The following DNAJC17 variants were observed in gnomAD, a reference collection of about 807,000 sequenced individuals.
DNAJC17 encodes DnaJ heat shock protein family (Hsp40) member C17.
Under a neutral mutation model 48.1 loss-of-function variants are expected in DNAJC17, and 35 were observed. The observed-to-expected ratio is 0.73, with a 90% confidence interval of 0.56 to 0.96. The LOEUF is 0.96. DNAJC17 is among the 50% of genes least tolerant of loss of function. The pLI is 0.00. For missense variants in DNAJC17, 355 were observed against 377.1 expected, an observed-to-expected ratio of 0.94 and a Z score of 0.48; for synonymous variants, 117 against 142.7, an observed-to-expected ratio of 0.82 and a Z score of 1.28.
chr15:40,767,452 C>A lies in DNAJC17; in HGVS notation c.*488G>T. On this transcript the variant is annotated 3_prime_UTR_variant, in exon 11 of 11. Coordinates refer to ENST00000220496, the MANE Select transcript of DNAJC17 (RefSeq NM_018163.3). ...ACCGTCTGCCTTGCTCCTCTCTTCC[C>A]AAATCATCACCGCCATGGGCCCAGC... The A allele has an allele frequency of 7.7e-7, 1 of 1,302,858 alleles. No individual in the cohort carries two copies. The highest frequency in any genetic ancestry group is 1.0e-6 in the Non-Finnish European group (1 of 963,272). 80.7% of individuals were successfully genotyped at this position (1,302,858 alleles called of 1,614,324 possible).
chr15:40,765,967 A>G lies in DNAJC17; in HGVS notation c.*1973T>C, dbSNP rs1195534151. 1 of 989,460 alleles carries G rather than the reference A, an allele frequency of 1.0e-6. No homozygotes were observed. The highest frequency in any genetic ancestry group is 2.7e-5 in the East Asian group (1 of 37,128). 61.3% of individuals were successfully genotyped at this position (989,460 alleles called of 1,614,324 possible). A position where few individuals can be genotyped will look rare whatever the true frequency, so the allele number is the denominator to read the frequency against. On this transcript the variant is annotated 3_prime_UTR_variant, in exon 11 of 11. Coordinates refer to ENST00000220496, the MANE Select transcript of DNAJC17 (RefSeq NM_018163.3). ...GTATCCTCTCCCTGCCAGCCCCTAG[A>G]CCTGCCTCTGCTCCCTTTATACAAC...
rs1890045220 is a variant in DNAJC17, at chr15:40,800,288, G to A, written c.78+7081C>T. ...TCACCATGTTGGGCAGGCTGGTCTT[G>A]AACTACTGACCTCAGGTGATCCACC... is the stretch of plus-strand genomic sequence containing the variant. On this transcript the variant is annotated intron_variant, in intron 1 of 10. Transcript: ENST00000220496. Among the ~76,000 whole-genome samples, 3 of 152,198 alleles carry A rather than the reference G, an allele frequency of 2.0e-5. No homozygotes were observed. The South Asian group carries it at 6.2e-4, about 32-fold the overall frequency.
At chr15:40,797,961 A>G (rs903908722) in intron 1 of DNAJC17, among the ~76,000 whole-genome samples, 2 of 151,814 alleles carry the variant, frequency 1.3e-5, no homozygotes, top group African/African-American at 2.4e-5. Context: ...ACTTCAGGCA[A>G]TCCACCACCC....
At chr15:40,805,982 T>C (rs921689307) in intron 1 of DNAJC17, among the ~76,000 whole-genome samples, 5 of 152,156 alleles carry the variant, frequency 3.3e-5, no homozygotes, top group African/African-American at 7.2e-5. Flanking sequence ...TCCTAAAATA[T>C]TGAAACACGA....
At chr15:40,768,128 T>G in intron 10 of DNAJC17, 66 bp from the exon 11 acceptor site, 1 of 1,468,110 alleles carries the variant, frequency 6.8e-7, no homozygotes, top group Non-Finnish European at 9.0e-7. Context: ...AGACTCCGAG[T>G]ACGGTGCCGA....
chr15:40,790,450 A>G (rs1242683435), intron 1 of DNAJC17, among the ~76,000 whole-genome samples: 1 of 152,106 alleles, frequency 6.6e-6, no homozygotes, highest in African/African-American at 2.4e-5. Context: ...GGCGCATCAC[A>G]TGCCTGTAAT....
rs1276056112 is a variant in DNAJC17, at chr15:40,766,092, T to G, written c.*1848A>C. On this transcript the variant is annotated 3_prime_UTR_variant, in exon 11 of 11. Coordinates refer to ENST00000220496, the MANE Select transcript of DNAJC17 (RefSeq NM_018163.3). Reference sequence around the variant, plus strand: ...GGTCCCATCTGTAGCCTCTCCAACATCCCCCCTCTCCCCCACGAGGCTTGC... The same window carrying G: ...GGTCCCATCTGTAGCCTCTCCAACAGCCCCCCTCTCCCCCACGAGGCTTGC... 2.4e-6 allele frequency: 1 copy of G among 423,834 alleles called. No homozygotes were observed. Among genetic ancestry groups the G allele is most frequent in the African/African-American group, 2.0e-5 (1 of 48,836 alleles). 26.3% of individuals were successfully genotyped at this position (423,834 alleles called of 1,614,324 possible).
At chr15:40,799,343 CAA>C (rs757632260) in intron 1 of DNAJC17, among the ~76,000 whole-genome samples, 1 of 141,232 alleles carries the variant, frequency 7.1e-6, no homozygotes, top group Non-Finnish European at 1.6e-5. Context: ...GGCTTTCCCA[CAA>C]AAAAAAAAAC....
intron 4 of DNAJC17, among the ~76,000 whole-genome samples, chr15:40,777,077 T>A (rs1211067982): frequency 1.3e-5 from 2 of 152,142 alleles, no homozygotes; most frequent in Non-Finnish European, 2.9e-5. Context: ...AACTCACATT[T>A]ACCAAGCCTC....
intron 10 of DNAJC17, chr15:40,771,719 G>A: frequency 5.9e-6 from 1 of 168,486 alleles, no homozygotes; most frequent in Non-Finnish European, 1.4e-5. Context: ...ACACTGGTCA[G>A]TGCAGAATGG....
intron 1 of DNAJC17, among the ~76,000 whole-genome samples, chr15:40,798,091 T>C (rs1347640527): frequency 6.6e-6 from 1 of 152,122 alleles, no homozygotes; most frequent in African/African-American, 2.4e-5. Context: ...ACAACCAAAA[T>C]ATTCATCAAC....
At chr15:40,798,945 C>T (rs748007216) in intron 1 of DNAJC17, among the ~76,000 whole-genome samples, 80 of 151,994 alleles carry the variant, frequency 5.3e-4, no homozygotes, top group Middle Eastern at 3.2e-3. Flanking sequence ...GCTGGCTGGG[C>T]GCGGTGGCTC....
chr15:40,770,614 G>C lies in DNAJC17; in HGVS notation c.793-2552C>G. 2.6e-6 allele frequency: 4 copies of C among 1,550,694 alleles called. No homozygotes were observed. The highest frequency in any genetic ancestry group is 3.5e-6 in the Non-Finnish European group (4 of 1,146,980). On this transcript the variant is annotated intron_variant, in intron 10 of 10. Coordinates refer to ENST00000220496, the MANE Select transcript of DNAJC17 (RefSeq NM_018163.3). The surrounding 1 kb of genome is among the most constrained non-coding windows in gnomAD (Gnocchi z 5.0). The stretch of plus-strand genomic sequence containing the variant: ...GTGCTTAGCCAGGCCAGCACAGCAG[G>C]TGGGGACCACGAGGAGTACAGCAAC...
chr15:40,788,020 G>A (rs1889688287), intron 1 of DNAJC17, among the ~76,000 whole-genome samples: 1 of 152,166 alleles, frequency 6.6e-6, no homozygotes, highest in African/African-American at 2.4e-5. Flanking sequence ...AGGACACAGA[G>A]GGAGGCAGCT....
At chr15:40,771,119 G>A in intron 10 of DNAJC17, 3 of 1,190,568 alleles carry the variant, frequency 2.5e-6, no homozygotes, top group Non-Finnish European at 1.2e-6. Context: ...CATCGCTGGA[G>A]GGTTCAGGCA....
chr15:40,801,070 T>C (rs578001893), intron 1 of DNAJC17, among the ~76,000 whole-genome samples: 30 of 152,346 alleles, frequency 2.0e-4, no homozygotes, highest in African/African-American at 7.2e-4. Context: ...TGACTGCCCT[T>C]GGTCTCCTGA....
At chr15:40,795,193 C>T (rs1262021511) in intron 1 of DNAJC17, among the ~76,000 whole-genome samples, 5 of 149,328 alleles carry the variant, frequency 3.3e-5, no homozygotes, top group Admixed American at 1.4e-4. Context: ...GGGAGGATTG[C>T]TTCCATGACC....
intron 7 of DNAJC17, 138 bp from the exon 8 acceptor site, chr15:40,775,246 A>T (rs943579011): frequency 9.2e-6 from 9 of 973,492 alleles, no homozygotes; most frequent in Middle Eastern, 3.0e-4. Context: ...TGCCACCAGA[A>T]ACATTTTCCC....
chr15:40,768,107 C>A, intron 10 of DNAJC17, 45 bp from the exon 11 acceptor site: 1 of 1,496,436 alleles, frequency 6.7e-7, no homozygotes, highest in Non-Finnish European at 8.9e-7. Context: ...GACAGCAGGG[C>A]ACAGCCTCAC....
Sources: gnomAD v4.1 joint callset for allele counts (sites outside exome capture counted in the v4.1 genomes callset) on GRCh38, gnomAD v4.1.1 for gene constraint, Gnocchi (gnomAD v3.1) non-coding constraint, MANE v1.5 for transcripts, NCBI Gene and HGNC (gene_info 2026-07-23, HGNC 2026-07-21) for gene names.